The following PTPRD variants were observed in gnomAD, a reference collection of about 807,000 sequenced individuals.
The protein encoded by PTPRD is protein tyrosine phosphatase receptor type D.
A neutral mutation model predicts 214.5 loss-of-function variants in PTPRD; 34 were observed. The observed-to-expected ratio is 0.16, with a 90% CI of 0.12 to 0.21. The LOEUF is 0.21. PTPRD is among the 10% of genes least tolerant of loss of function. The pLI, the probability that PTPRD is intolerant of heterozygous loss-of-function variation, is 1.00. For synonymous variants in PTPRD, 1,128 were observed against 845.7 expected (o/e 1.33, Z -5.79); for missense variants, 2,545 against 2,398.7 (o/e 1.06, Z -1.27).
chr9:8,415,218 G>GTA (rs2093844229), intron 35 of PTPRD, among the ~76,000 whole-genome samples: 1 of 152,142 alleles, frequency 6.6e-6, no homozygotes, highest in Non-Finnish European at 1.5e-5. Context: ...AAGGAAGAAA[G>GTA]CAGAGAATGT....
chr9:9,406,388 T>G (rs973378655), intron 8 of PTPRD, among the ~76,000 whole-genome samples: 3 of 151,832 alleles, frequency 2.0e-5, no homozygotes, highest in African/African-American at 7.2e-5. Context: ...CAGAAAGAAT[T>G]AAGAAAGTAA....
intron 7 of PTPRD, among the ~76,000 whole-genome samples, chr9:9,601,138 TGTGTGTGTGTG>T (rs2093721565): frequency 2.5e-5 from 3 of 121,122 alleles, no homozygotes; most frequent in Non-Finnish European, 5.0e-5. Flanking sequence ...TGTGTGTGTG[TGTGTGTGTGTG>T]TATGGGGGGG....
intron 11 of PTPRD, among the ~76,000 whole-genome samples, chr9:8,755,500 G>A (rs1483868881): frequency 6.7e-6 from 1 of 148,470 alleles, no homozygotes; most frequent in Non-Finnish European, 1.5e-5. Context: ...CTGCACTCCA[G>A]CCTGGGCAAC....
chr9:8,481,121 CAG>C (rs1461478036), intron 30 of PTPRD, among the ~76,000 whole-genome samples: 1 of 107,078 alleles, frequency 9.3e-6, no homozygotes, highest in East Asian at 3.0e-4. Context: ...GCCTGGGCAA[CAG>C]AGTTAGACTC....
intron 5 of PTPRD, among the ~76,000 whole-genome samples, chr9:9,886,432 T>TA (rs1454887193): frequency 6.6e-6 from 1 of 152,042 alleles, no homozygotes; most frequent in Non-Finnish European, 1.5e-5. Context: ...ACTATTGCCA[T>TA]AAAAAAGGGA....
At chr9:8,954,781 G>C (rs759401442) in intron 11 of PTPRD, among the ~76,000 whole-genome samples, 1 of 151,940 alleles carries the variant, frequency 6.6e-6, no homozygotes, top group Non-Finnish European at 1.5e-5. Flanking sequence ...ATACAATGTA[G>C]ATAAAAACAA....
chr9:9,594,596 A>T (rs1459202641), intron 7 of PTPRD, among the ~76,000 whole-genome samples: 1 of 151,992 alleles, frequency 6.6e-6, no homozygotes, highest in Non-Finnish European at 1.5e-5. Flanking sequence ...ATTTGGGTTT[A>T]TTTCTGGGTT....
chr9:9,285,829 C>G (rs1354219292), intron 9 of PTPRD, among the ~76,000 whole-genome samples: 1 of 151,788 alleles, frequency 6.6e-6, no homozygotes, highest in Non-Finnish European at 1.5e-5. Flanking sequence ...GCCTCAACTA[C>G]TCTTTGTATG....
chr9:8,837,554 G>C (rs760457902), intron 11 of PTPRD, among the ~76,000 whole-genome samples: 1 of 152,108 alleles, frequency 6.6e-6, no homozygotes, highest in African/African-American at 2.4e-5. Flanking sequence ...CCAGACTGGA[G>C]TACAGTAGCA....
intron 12 of PTPRD, among the ~76,000 whole-genome samples, chr9:8,688,258 C>G (rs999342856): frequency 1.2e-4 from 19 of 152,086 alleles, no homozygotes; most frequent in African/African-American, 4.6e-4. Flanking sequence ...CTGAGTTATC[C>G]AGATGTGGTT....
intron 3 of PTPRD, among the ~76,000 whole-genome samples, chr9:10,066,850 T>A (rs939127693): frequency 1.4e-4 from 21 of 151,972 alleles, no homozygotes; most frequent in African/African-American, 5.1e-4. Flanking sequence ...TCTCACAATA[T>A]TTGTACTGTC....
In PTPRD at chr9:8,817,675, C is replaced by A. The variant is rs901508833; in HGVS notation, c.-103-83729G>T. 4.6e-5 allele frequency among the ~76,000 whole-genome samples: 7 copies of A among 152,118 alleles called. No individual in the cohort carries two copies. The East Asian group carries it at 1.3e-3, about 29-fold the overall frequency. Reference sequence around the variant, plus strand: ...ACAAAACAAAACAAAATAAAATATACCTTCTATCAATTTCATAGAATGGTA... The same window carrying A: ...ACAAAACAAAACAAAATAAAATATAACTTCTATCAATTTCATAGAATGGTA... On this transcript the variant is annotated intron_variant, in intron 11 of 45. Coordinates refer to ENST00000381196, the MANE Select transcript of PTPRD (RefSeq NM_002839.4).
At chr9:9,033,770 CTA>C (rs1491530229) in intron 10 of PTPRD, among the ~76,000 whole-genome samples, 2 of 152,000 alleles carry the variant, frequency 1.3e-5, no homozygotes, top group Non-Finnish European at 2.9e-5. Flanking sequence ...AATGATTACA[CTA>C]TCTCAGGCAT....
At chr9:9,362,752 T>A (rs1257658190) in intron 9 of PTPRD, among the ~76,000 whole-genome samples, 1 of 151,280 alleles carries the variant, frequency 6.6e-6, no homozygotes, top group Non-Finnish European at 1.5e-5. Context: ...TTAACTAGGA[T>A]TTCCTTGATA....
At position 8,861,779 on chromosome 9, in the gene PTPRD, AAC is replaced by A. The variant is rs1378197242; in HGVS notation, c.-103-127835_-103-127834del. On this transcript the variant is annotated intron_variant, in intron 11 of 45. Coordinates refer to ENST00000381196, the MANE Select transcript of PTPRD (RefSeq NM_002839.4). ...TTTATTAAATCCAGCTAAATGGAGA[AAC>A]ACAGCATAGATTCAAGTGACATGTT... 4.6e-5 allele frequency: 7 copies of A among 152,354 alleles called. No individual in the cohort carries two copies. The East Asian group carries it at 9.6e-4, about 21-fold the overall frequency. The allele number at this position is 152,354 out of a possible 1,614,324, so 9.4% of individuals were successfully genotyped here.
At chr9:8,437,567 T>C (rs939025567) in intron 34 of PTPRD, among the ~76,000 whole-genome samples, 6 of 152,072 alleles carry the variant, frequency 3.9e-5, no homozygotes, top group African/African-American at 1.2e-4. Flanking sequence ...ATTGTAGAGG[T>C]TGGGGTTGCA....
intron 11 of PTPRD, among the ~76,000 whole-genome samples, chr9:8,918,657 A>T (rs2098804313): frequency 6.6e-6 from 1 of 152,150 alleles, no homozygotes; most frequent in Non-Finnish European, 1.5e-5. Flanking sequence ...CCTTCTCTGG[A>T]TGCATAAAAG....
chr9:9,782,795 GC>G (rs1419531433), intron 5 of PTPRD, among the ~76,000 whole-genome samples: 4 of 152,078 alleles, frequency 2.6e-5, no homozygotes, highest in Admixed American at 2.6e-4. Context: ...TTTGAAATCA[GC>G]ATGGTATTCT....
chr9:9,324,906 G>C (rs543399962), intron 9 of PTPRD, among the ~76,000 whole-genome samples: 4 of 152,026 alleles, frequency 2.6e-5, no homozygotes, highest in Admixed American at 6.6e-5. Context: ...AGCTTTCTAC[G>C]TATGGCTAGC....
Sources: gnomAD v4.1 joint callset for allele counts (sites outside exome capture counted in the v4.1 genomes callset) on GRCh38, gnomAD v4.1.1 for gene constraint, MANE v1.5 for transcripts, NCBI Gene and HGNC (gene_info 2026-07-23, HGNC 2026-07-21) for gene names.